The following GP2 variants were observed in gnomAD, a reference collection of about 807,000 sequenced individuals.
GP2 encodes the protein glycoprotein 2, also known as pancreatic secretory granule membrane major glycoprotein GP2.
In GP2, 58 loss-of-function variants were observed where a neutral mutation model predicts 60.8. The ratio of observed to expected loss-of-function variants is 0.95; its 90% CI spans 0.77 to 1.19. The LOEUF is 1.19. Ranked by LOEUF, GP2 falls within the 50% of genes most tolerant of loss-of-function variation. GP2 has a pLI of 0.00. For synonymous variants in GP2, 280 were observed against 253.4 expected, an observed-to-expected ratio of 1.10 and a Z score of -1.00; for missense variants, 647 against 667.4, an observed-to-expected ratio of 0.97 and a Z score of 0.34.
intron 4 of GP2, among the ~76,000 whole-genome samples, chr16:20,321,775 G>T (rs73541257): frequency 0.022 from 3,416 of 152,252 alleles, 115 homozygotes; most frequent in African/African-American, 0.07. Context: ...GAAAGTCAGA[G>T]CACAGAGGGA....
rs778851269 is a variant in GP2, at chr16:20,319,741, T to C, written c.886A>G (p.Asn296Asp). Residue 296 changes from asparagine to aspartate, a missense_variant, in exon 6 of 11, where the codon AAC becomes GAC. Coordinates refer to ENST00000302555, the MANE Select transcript of GP2 (RefSeq NM_001502.4). ...ERNQTHAIYK[N>D]TLSLVNDFII... ...AAATCATTGACCAAGGAGAGGGTGT[T>C]TTTGTAGATGGCATGGGTTTGATTT... The C allele has an allele frequency of 4.3e-6, 7 of 1,613,440 alleles. No individual in the cohort carries two copies. Among genetic ancestry groups the C allele is most frequent in the Non-Finnish European group, 5.9e-6 (7 of 1,179,416 alleles).
chr16:20,312,319 T>G (rs1476166935), intron 10 of GP2, among the ~76,000 whole-genome samples: 1 of 152,234 alleles, frequency 6.6e-6, no homozygotes, highest in Non-Finnish European at 1.5e-5. Flanking sequence ...AACTGGCTGA[T>G]GTCCTAGAAG....
intron 5 of GP2, 49 bp downstream of exon 5, chr16:20,320,213 A>C: frequency 7.4e-7 from 1 of 1,348,352 alleles, no homozygotes; most frequent in Non-Finnish European, 1.1e-6. Flanking sequence ...GATAGGTCCC[A>C]TCAGCCCAAC....
intron 10 of GP2, 147 bp from the exon 11 acceptor site, chr16:20,311,428 A>G: frequency 3.3e-6 from 2 of 613,382 alleles, no homozygotes; most frequent in East Asian, 2.9e-5. Context: ...TGGGACTCAC[A>G]TGGTAGAGGC....
rs1216680748 is a variant in GP2, at chr16:20,323,379, A to G, written c.536-400T>C. On this transcript the variant is annotated intron_variant, in intron 3 of 10. Coordinates refer to ENST00000302555, the MANE Select transcript of GP2 (RefSeq NM_001502.4). ...TAACTGGGGTAATTAGGTAGCACTTACCTCGTGGAACTGGGGAGAGGATCA... is the reference window on the plus strand; with the variant it reads ...TAACTGGGGTAATTAGGTAGCACTTGCCTCGTGGAACTGGGGAGAGGATCA... 8 of 718,410 alleles carry G rather than the reference A, an allele frequency of 1.1e-5. No individual in the cohort carries two copies. The East Asian group carries it at 2.1e-4, about 19-fold the overall frequency. 44.5% of individuals were successfully genotyped at this position (718,410 alleles called of 1,614,324 possible).
chr16:20,327,429 T>C, intron 1 of GP2, 38 bp downstream of exon 1: 1 of 1,250,870 alleles, frequency 8.0e-7, no homozygotes, highest in Non-Finnish European at 1.0e-6. Context: ...TTTCCCAGGA[T>C]TAGGAGGAAG....
At chr16:20,325,281 T>C (rs540884140) in intron 2 of GP2, among the ~76,000 whole-genome samples, 1 of 152,380 alleles carries the variant, frequency 6.6e-6, no homozygotes, top group Admixed American at 6.5e-5. Context: ...CTTTGGGTCA[T>C]GACCTTTGTC....
intron 10 of GP2, among the ~76,000 whole-genome samples, chr16:20,313,079 T>C (rs11640280): frequency 0.29 from 44,667 of 152,134 alleles, 8,685 homozygotes; most frequent in Non-Finnish European, 0.44. Flanking sequence ...AAAACTGCCA[T>C]CTAAGTTTGG....
intron 4 of GP2, among the ~76,000 whole-genome samples, chr16:20,321,034 T>C (rs955481522): frequency 8.6e-5 from 13 of 151,132 alleles, no homozygotes; most frequent in African/African-American, 2.9e-4. Flanking sequence ...AACCACATTA[T>C]CTCTCTCTCT....
intron 2 of GP2, 49 bp from the exon 3 acceptor site, chr16:20,324,305 C>A: frequency 7.7e-7 from 1 of 1,290,330 alleles, no homozygotes; most frequent in Non-Finnish European, 1.1e-6. Context: ...ATGCCAGAAC[C>A]TACAGGATTT....
chr16:20,323,038 C>A (rs1471844702), intron 3 of GP2, 59 bp from the exon 4 acceptor site: 2 of 917,920 alleles, frequency 2.2e-6, no homozygotes, highest in Non-Finnish European at 1.8e-6. Context: ...GACTTGAGGC[C>A]CCCAAGTCCA....
intron 3 of GP2, 44 bp downstream of exon 3, chr16:20,323,772 C>T: frequency 3.0e-6 from 4 of 1,325,368 alleles, no homozygotes; most frequent in Non-Finnish European, 4.2e-6. Context: ...TGGGAGGCAT[C>T]TCATTGGCTG....
In GP2 at chr16:20,324,265, G is replaced by A. The variant is rs1365577909; in HGVS notation, c.95-9C>T. On this transcript the variant is annotated splice_polypyrimidine_tract_variant and intron_variant, in intron 2 of 10. Transcript: ENST00000302555. ...AATGGGGTTTCCATAACCTGGGAAA[G>A]TGACAGAGTGCAGTTGGGTTTACTG... 3.8e-6 allele frequency: 6 copies of A among 1,573,208 alleles called. No homozygotes were observed. The African/African-American group carries it at 8.1e-5, about 21-fold the overall frequency.
At chr16:20,318,946 G>A (rs1047660176) in intron 6 of GP2, among the ~76,000 whole-genome samples, 1 of 152,060 alleles carries the variant, frequency 6.6e-6, no homozygotes, top group Non-Finnish European at 1.5e-5. Context: ...GGAATGAGAC[G>A]GGCACTCTGG....
rs1964284929 is a variant in GP2 at position 20,319,601 on chromosome 16, G to C, written c.1007+19C>G. On this transcript the variant is annotated intron_variant, in intron 6 of 10. Coordinates refer to ENST00000302555, the MANE Select transcript of GP2 (RefSeq NM_001502.4). ...TATTGCCAGGGTTATGGGTCAAAGG[G>C]CAAGGGTCAATGCCATACCTTACAA... The C allele has an allele frequency of 6.3e-7, 1 of 1,595,554 alleles. No individual in the cohort carries two copies. Among genetic ancestry groups the C allele is most frequent in the Admixed American group, 1.7e-5 (1 of 59,936 alleles).
intron 2 of GP2, 135 bp from the exon 3 acceptor site, chr16:20,324,391 CA>C: frequency 1.6e-6 from 1 of 612,530 alleles, no homozygotes. Context: ...ATTAATTAAA[CA>C]TCAACTTCAT....
chr16:20,313,280 C>T (rs373640383), intron 10 of GP2, among the ~76,000 whole-genome samples: 4 of 137,290 alleles, frequency 2.9e-5, no homozygotes, highest in African/African-American at 7.8e-5. Flanking sequence ...TCTCTCTCTG[C>T]GTGTGTGTGT....
rs1326690198 is a variant in GP2 at position 20,310,975 on chromosome 16, T to A, written c.*248A>T. Reference sequence around the variant, plus strand: ...TTTCAGCATTTTGGCCAGGCTGATTTTGAACTGCTGACCTCAGGTGATCCA... The same window carrying A: ...TTTCAGCATTTTGGCCAGGCTGATTATGAACTGCTGACCTCAGGTGATCCA... On this transcript the variant is annotated 3_prime_UTR_variant, in exon 11 of 11. Coordinates refer to ENST00000302555, the MANE Select transcript of GP2 (RefSeq NM_001502.4). The A allele has an allele frequency of 3.4e-6, 1 of 295,596 alleles. No homozygotes were observed. Among genetic ancestry groups the A allele is most frequent in the African/African-American group, 2.2e-5 (1 of 45,052 alleles). The allele number at this position is 295,596 out of a possible 1,614,324, so 18.3% of individuals were successfully genotyped here. A position where few individuals can be genotyped will look rare whatever the true frequency, so the allele number is the denominator to read the frequency against.
rs1325064601 is a variant in GP2, at chr16:20,311,330, G to A, written c.1547-49C>T. 2.6e-6 allele frequency: 3 copies of A among 1,161,694 alleles called. No individual in the cohort carries two copies. The Admixed American group carries it at 5.1e-5, about 20-fold the overall frequency. The allele number at this position is 1,161,694 out of a possible 1,614,324, so 72.0% of individuals were successfully genotyped here. A position where few individuals can be genotyped will look rare whatever the true frequency, so the allele number is the denominator to read the frequency against. On this transcript the variant is annotated intron_variant, in intron 10 of 10. Transcript: ENST00000302555. ...TCAAGTGTTGGGCTTTGGGAGTCAG[G>A]AGCAAACATAAGTTGGCCTCTTTGT... is the stretch of plus-strand genomic sequence containing the variant.
Sources: allele counts gnomAD v4.1 joint callset (sites outside exome capture counted in the v4.1 genomes callset), GRCh38; gene constraint gnomAD v4.1.1; transcripts MANE v1.5; gene names NCBI Gene and HGNC (gene_info 2026-07-23, HGNC 2026-07-21).